WDFY4: variants seen among roughly 807,000 people sequenced by gnomAD.
WDFY4 encodes the protein WDFY family member 4, also known as WD repeat- and FYVE domain-containing protein 4.
In WDFY4, 169 loss-of-function variants were observed where a neutral mutation model predicts 351.9. The observed-to-expected ratio is 0.48, with a 90% CI of 0.42 to 0.55. WDFY4 has a LOEUF of 0.55. WDFY4 is among the 20% of genes least tolerant of loss of function. The pLI is 0.00. For missense variants in WDFY4, 3,803 were observed against 3,935.6 expected (o/e 0.97, Z 0.90); for synonymous variants, 1,622 against 1,574.6 (o/e 1.03, Z -0.71).
chr10:48,811,126 T>C (rs1425057333), intron 29 of WDFY4, among the ~76,000 whole-genome samples: 1 of 152,226 alleles, frequency 6.6e-6, no homozygotes, highest in East Asian at 1.9e-4. Context: ...TCTGTTATAT[T>C]ATCTCTGCCC....
At chr10:48,685,914 G>T (rs2063032441) in intron 1 of WDFY4, among the ~76,000 whole-genome samples, 1 of 151,846 alleles carries the variant, frequency 6.6e-6, no homozygotes, top group Admixed American at 6.6e-5. Context: ...GTAGGGTGGG[G>T]GTCTTGGGAG....
At chr10:48,910,282 T>G (rs1038622351) in intron 47 of WDFY4, 1 of 1,612,130 alleles carries the variant, frequency 6.2e-7, no homozygotes, top group Admixed American at 1.7e-5. Context: ...CACAAGAAGG[T>G]GAGGCAATTG....
intron 51 of WDFY4, among the ~76,000 whole-genome samples, chr10:48,948,400 G>A (rs1290678340): frequency 6.6e-6 from 1 of 152,222 alleles, no homozygotes; most frequent in Non-Finnish European, 1.5e-5. Flanking sequence ...CACCGTTGAC[G>A]ATGATAGTGA....
At chr10:48,920,436 C>T (rs571317983) in intron 47 of WDFY4, among the ~76,000 whole-genome samples, 4 of 151,960 alleles carry the variant, frequency 2.6e-5, no homozygotes, top group Admixed American at 6.6e-5. Flanking sequence ...TTAATGGGTG[C>T]AGCACACCAA....
At chr10:48,808,468 C>T (rs1160841074) in intron 28 of WDFY4, among the ~76,000 whole-genome samples, 1 of 152,178 alleles carries the variant, frequency 6.6e-6, no homozygotes, top group Non-Finnish European at 1.5e-5. Context: ...TTAACTCTCC[C>T]CACTGCCTGC....
At chr10:48,926,026 G>A (rs1839542961) in intron 47 of WDFY4, among the ~76,000 whole-genome samples, 1 of 152,176 alleles carries the variant, frequency 6.6e-6, no homozygotes, top group South Asian at 2.1e-4. Context: ...ACCTCAATGT[G>A]TCTGATACGC....
intron 49 of WDFY4, among the ~76,000 whole-genome samples, chr10:48,945,532 A>G (rs1840998825): frequency 1.3e-5 from 2 of 152,322 alleles, no homozygotes; most frequent in South Asian, 4.1e-4. Flanking sequence ...TCTCTGCAGT[A>G]TATTCCAAGA....
chr10:48,795,668 A>C (rs2066849418), intron 23 of WDFY4, among the ~76,000 whole-genome samples: 1 of 151,880 alleles, frequency 6.6e-6, no homozygotes. Flanking sequence ...ATTGATGGGG[A>C]ATGGAGCCAT....
chr10:48,763,124 A>G (rs940158964), intron 13 of WDFY4, among the ~76,000 whole-genome samples: 2 of 152,222 alleles, frequency 1.3e-5, no homozygotes, highest in Non-Finnish European at 2.9e-5. Flanking sequence ...CCTACCTGGG[A>G]CAACATGGAG....
chr10:48,924,235 A>G lies in WDFY4; in HGVS notation c.7587-17571A>G, dbSNP rs530295486. On this transcript the variant is annotated intron_variant, in intron 47 of 61. Transcript: ENST00000325239. ...CTCCCTGGGGTCACCCGACCTTGGC[A>G]GGGACCCTTCCTCTCAGTTATAGAA... is the stretch of plus-strand genomic sequence containing the variant. Among the ~76,000 whole-genome samples the G allele has an allele frequency of 3.9e-5, 6 of 152,318 alleles. No homozygotes were observed. In the East Asian group the frequency reaches 1.2e-3, roughly 29 times the overall value.
At position 48,743,207 on chromosome 10, in the gene WDFY4, G is replaced by A. The variant is rs1282567826; in HGVS notation, c.2118G>A (p.Gly706=). ...PVNGYFFRRN[G]LFEKLAEDLC... is the part of the protein sequence containing the mutation. ...ATGGCTACTTCTTCAGGAGGAATGG[G>A]CTCTTTGAGAAGCTGGCCGAGGACC... Residue 706 remains glycine, a synonymous_variant, in exon 12 of 62, where the codon GGG becomes GGA. Coordinates refer to ENST00000325239, the MANE Select transcript of WDFY4 (RefSeq NM_001394531.1). 2 of 1,551,722 alleles carry A rather than the reference G, an allele frequency of 1.3e-6. No individual in the cohort carries two copies. Among genetic ancestry groups the A allele is most frequent in the Admixed American group, 3.9e-5 (2 of 51,006 alleles).
intron 43 of WDFY4, among the ~76,000 whole-genome samples, chr10:48,885,357 T>C (rs549225238): frequency 6.6e-6 from 1 of 152,358 alleles, no homozygotes; most frequent in South Asian, 2.1e-4. Flanking sequence ...GCTCCAATTT[T>C]AAGCAGTTGC....
chr10:48,800,899 A>AT (rs1486395528), intron 24 of WDFY4, among the ~76,000 whole-genome samples: 2 of 151,666 alleles, frequency 1.3e-5, no homozygotes, highest in African/African-American at 2.4e-5. Context: ...CATAAGGCTC[A>AT]TTTTTTTATA....
chr10:48,932,964 C>T (rs1840114793), intron 47 of WDFY4, among the ~76,000 whole-genome samples: 1 of 152,082 alleles, frequency 6.6e-6, no homozygotes, highest in South Asian at 2.1e-4. Flanking sequence ...GCAAGGTGGG[C>T]CATGTGCTCA....
At chr10:48,889,562 A>G (rs1661889109) in intron 43 of WDFY4, among the ~76,000 whole-genome samples, 1 of 152,124 alleles carries the variant, frequency 6.6e-6, no homozygotes, top group Non-Finnish European at 1.5e-5. Flanking sequence ...CAAAATTACC[A>G]TGAGAAAATG....
At chr10:48,745,749 G>C (rs1376361115) in intron 12 of WDFY4, 2 of 527,370 alleles carry the variant, frequency 3.8e-6, no homozygotes, top group Admixed American at 2.7e-5. Context: ...ACTCTCTTGT[G>C]GGCTTCAGAT....
rs116461009 is a variant in WDFY4, at chr10:48,935,575, G to A, written c.7587-6231G>A. Among the ~76,000 whole-genome samples the A allele has an allele frequency of 3.2e-3, 481 of 152,334 alleles. 7 individuals carry two copies. Among genetic ancestry groups the A allele is most frequent in the African/African-American group, 0.011 (459 of 41,560 alleles). On this transcript the variant is annotated intron_variant, in intron 47 of 61. Coordinates refer to ENST00000325239, the MANE Select transcript of WDFY4 (RefSeq NM_001394531.1). Reference sequence around the variant, plus strand: ...ACATCACTCCCCTTTCTTCGAATTTGTGCAAGTATTTTTTTTCTGCTCTTT... The same window carrying A: ...ACATCACTCCCCTTTCTTCGAATTTATGCAAGTATTTTTTTTCTGCTCTTT...
Position 48,731,330 on chromosome 10 carries a change from G to T in WDFY4, c.1350G>T (p.Gln450His). ...KPAPVQEHFF[Q>H]LLEALVFELH... ...CCCCAGTGCAGGAACACTTCTTCCA[G>T]CTTCTAGAGGCCCTGGTGTTCGAGC... is the stretch of plus-strand genomic sequence containing the variant. Residue 450 changes from glutamine (Q) to histidine (H), a missense_variant, in exon 9 of 62, where the codon CAG becomes CAT. Physicochemically the swap from Gln to His is conservative, Grantham distance 24 (BLOSUM62 0). Around this residue, in one of 3 missense-constraint regions of WDFY4, gnomAD observed 261 missense variants for 330.2 expected, o/e 0.79. Transcript: ENST00000325239. The T allele has an allele frequency of 6.4e-7, 1 of 1,551,808 alleles. No individual in the cohort carries two copies. Among genetic ancestry groups the T allele is most frequent in the Non-Finnish European group, 8.7e-7 (1 of 1,147,014 alleles).
intron 9 of WDFY4, 83 bp from the exon 10 acceptor site, chr10:48,733,848 G>T (rs2064553097): frequency 8.2e-7 from 1 of 1,216,590 alleles, no homozygotes; most frequent in African/African-American, 1.5e-5. Flanking sequence ...ATCTCCTTAA[G>T]AGGATAGAAA....
Sources: allele counts gnomAD v4.1 joint callset (sites outside exome capture counted in the v4.1 genomes callset), GRCh38; gene constraint gnomAD v4.1.1; regional missense constraint gnomAD v4.1.1; transcripts MANE v1.5; gene names NCBI Gene and HGNC (gene_info 2026-07-23, HGNC 2026-07-21).